The following POU2F1 variants were observed in gnomAD, a reference collection of about 807,000 sequenced individuals.
POU2F1 encodes the protein POU class 2 homeobox 1, also known as POU domain, class 2, transcription factor 1.
In POU2F1, 16 loss-of-function variants were observed where a neutral mutation model predicts 84.9. The observed-to-expected ratio is 0.19, with a 90% CI of 0.13 to 0.29. The LOEUF is 0.29. POU2F1 is among the 10% of genes least tolerant of loss of function. The pLI is 1.00. For synonymous variants in POU2F1, 368 were observed against 368.3 expected, an observed-to-expected ratio of 1.00 and a Z score of 0.01; for missense variants, 738 against 942.6, an observed-to-expected ratio of 0.78 and a Z score of 2.84.
chr1:167,339,910 G>A (rs1657718871), intron 2 of POU2F1, among the ~76,000 whole-genome samples: 1 of 152,152 alleles, frequency 6.6e-6, no homozygotes, highest in African/African-American at 2.4e-5. Context: ...TATTTACTGG[G>A]TGATTTAAAC....
intron 1 of POU2F1, among the ~76,000 whole-genome samples, chr1:167,296,144 C>T (rs1654276406): frequency 1.3e-5 from 2 of 152,000 alleles, no homozygotes; most frequent in East Asian, 1.9e-4. Flanking sequence ...GGAGTTCATC[C>T]ATTGAGCCTT....
intron 1 of POU2F1, among the ~76,000 whole-genome samples, chr1:167,264,177 TAGTG>T (rs1651776488): frequency 6.6e-6 from 1 of 152,120 alleles, no homozygotes. Flanking sequence ...AGCTAATTTA[TAGTG>T]GTATGTCAGG....
In POU2F1 at chr1:167,376,153, A is replaced by G; in HGVS notation, c.716A>G (p.Gln239Arg). The G allele has an allele frequency of 6.2e-7, 1 of 1,614,202 alleles. No homozygotes were observed. The highest frequency in any genetic ancestry group is 8.5e-7 in the Non-Finnish European group (1 of 1,180,024). Residue 239 changes from glutamine to arginine, a missense_variant and splice_region_variant, in exon 7 of 16, where the codon CAG becomes CGG. Physicochemically the swap from Gln to Arg is conservative, Grantham distance 43 (BLOSUM62 1). This residue lies in a region of POU2F1 where 163 missense variants were observed against 214.4 expected (regional missense o/e 0.76). Transcript: ENST00000367866. ...FIISQTPQGQ[Q>R]GLLQAQNLLT... is the part of the protein sequence containing the mutation. Reference sequence around the variant, plus strand: ...ATCTCACAGACGCCCCAGGGCCAGCAGGGTGAGCTCCTCCTTAGAGCTTAT... The same window carrying G: ...ATCTCACAGACGCCCCAGGGCCAGCGGGGTGAGCTCCTCCTTAGAGCTTAT...
rs530200559 is a variant in POU2F1, at chr1:167,426,665, A to G, written c.*10855A>G. On this transcript the variant is annotated 3_prime_UTR_variant, in exon 16 of 16. Transcript: ENST00000367866. ...GGTGTTTGTCCACTGTTGTCAAAGG[A>G]GGGGCACAAGGGGAATTGGCCCCCG... 5 of 152,226 alleles carry G rather than the reference A, an allele frequency of 3.3e-5. No homozygotes were observed. The highest frequency in any genetic ancestry group is 1.2e-4 in the African/African-American group (5 of 41,524). 9.4% of individuals were successfully genotyped at this position (152,226 alleles called of 1,614,324 possible).
intron 2 of POU2F1, among the ~76,000 whole-genome samples, chr1:167,336,038 A>G (rs1657421061): frequency 6.6e-6 from 1 of 152,250 alleles, no homozygotes; most frequent in East Asian, 1.9e-4. Context: ...ATTAAAAGAT[A>G]TGTAATGAAT....
intron 1 of POU2F1, among the ~76,000 whole-genome samples, chr1:167,302,756 A>G (rs1387810736): frequency 6.6e-6 from 1 of 152,222 alleles, no homozygotes; most frequent in African/African-American, 2.4e-5. Flanking sequence ...TCAATCAGTT[A>G]CACTGACTTA....
chr1:167,277,005 A>G (rs535357742), intron 1 of POU2F1, among the ~76,000 whole-genome samples: 16 of 152,316 alleles, frequency 1.1e-4, no homozygotes, highest in African/African-American at 3.9e-4. Context: ...GGAATAGTTC[A>G]CTATTCTGGG....
chr1:167,375,865 T>G (rs1394535154), intron 6 of POU2F1, among the ~76,000 whole-genome samples, 164 bp from the exon 7 acceptor site: 7 of 152,236 alleles, frequency 4.6e-5, no homozygotes, highest in African/African-American at 1.7e-4. Context: ...CTTCACGTGC[T>G]TTGTCAAGCA....
chr1:167,263,608 T>C (rs1033094930), intron 1 of POU2F1, among the ~76,000 whole-genome samples: 1 of 152,162 alleles, frequency 6.6e-6, no homozygotes, highest in Admixed American at 6.5e-5. Context: ...CAGATAGATA[T>C]AAACTTCCAA....
intron 1 of POU2F1, among the ~76,000 whole-genome samples, chr1:167,255,333 G>A (rs535927513): frequency 1.3e-5 from 2 of 152,132 alleles, no homozygotes; most frequent in Admixed American, 6.5e-5. Context: ...TTTAGAGTAG[G>A]TGGAACCCAT....
chr1:167,329,027 G>T, intron 1 of POU2F1: 1 of 1,128,616 alleles, frequency 8.9e-7, no homozygotes, highest in Non-Finnish European at 1.1e-6. Context: ...GTCAGTCCTA[G>T]CTGGTAGGAG....
At position 167,297,238 on chromosome 1, in the gene POU2F1, A is replaced by G. The variant is rs189576480; in HGVS notation, c.62-35232A>G. 2.5e-3 allele frequency among the ~76,000 whole-genome samples: 380 copies of G among 152,356 alleles called. 3 individuals are homozygous for G. Among genetic ancestry groups the G allele is most frequent in the African/African-American group, 8.8e-3 (364 of 41,584 alleles). On this transcript the variant is annotated intron_variant, in intron 1 of 15. Coordinates refer to ENST00000367866, the MANE Select transcript of POU2F1 (RefSeq NM_002697.4). The stretch of plus-strand genomic sequence containing the variant: ...CTGGTAACTCTAACTTGTGAACACC[A>G]AATTAATAACTCTTAATAATTTAAC...
In POU2F1 at chr1:167,394,938, C is replaced by G. The variant is rs745761202; in HGVS notation, c.988-1348C>G. ...GATGGATTTAGGGGTAGGGGGGAAT[C>G]AAAAGACTGGGATAATCCCAGTTCA... On this transcript the variant is annotated intron_variant, in intron 9 of 15. Coordinates refer to ENST00000367866, the MANE Select transcript of POU2F1 (RefSeq NM_002697.4). Among the ~76,000 whole-genome samples, 39 of 152,192 alleles carry G rather than the reference C, an allele frequency of 2.6e-4. 1 individual carries two copies. The Middle Eastern group carries it at 0.01, about 40-fold the overall frequency.
chr1:167,351,519 CA>C (rs34170498), intron 2 of POU2F1, among the ~76,000 whole-genome samples: 10,574 of 46,282 alleles, frequency 0.23, 88 homozygotes, highest in Non-Finnish European at 0.26. Flanking sequence ...AGCACCATCT[CA>C]AAAAAAAAAA....
Position 167,374,209 on chromosome 1 carries a change from G to C in POU2F1, c.504G>C (p.Gln168His), listed in dbSNP as rs376548311. The part of the protein sequence containing the change: ...AAVQQHSASQ[Q>H]HSAAGATISA... ...TGCAGCAGCACTCCGCCAGCCAGCA[G>C]CACAGTGCTGCTGGAGCCACCATCT... Residue 168 changes from glutamine to histidine, a missense_variant, in exon 6 of 16, where the codon CAG becomes CAC. By Grantham distance (24) the Gln-to-His change is conservative. Around this residue, in one of 4 missense-constraint regions of POU2F1, gnomAD observed 163 missense variants for 214.4 expected, o/e 0.76. Coordinates refer to ENST00000367866, the MANE Select transcript of POU2F1 (RefSeq NM_002697.4). The C allele has an allele frequency of 1.2e-6, 2 of 1,613,882 alleles. No homozygotes were observed. Among genetic ancestry groups the C allele is most frequent in the Non-Finnish European group, 1.7e-6 (2 of 1,179,932 alleles).
intron 2 of POU2F1, among the ~76,000 whole-genome samples, chr1:167,353,904 C>T (rs140831329): frequency 3.3e-5 from 5 of 152,142 alleles, no homozygotes; most frequent in Admixed American, 2.6e-4. Context: ...ACCACTATCC[C>T]GAAGTTAGCG....
chr1:167,340,147 C>G (rs1341186437), intron 2 of POU2F1, among the ~76,000 whole-genome samples: 4 of 150,524 alleles, frequency 2.7e-5, no homozygotes, highest in African/African-American at 9.8e-5. Flanking sequence ...TGGCACGATC[C>G]TGGCTCACTG....
intron 1 of POU2F1, among the ~76,000 whole-genome samples, chr1:167,324,571 G>C (rs1324090776): frequency 6.6e-6 from 1 of 152,118 alleles, no homozygotes; most frequent in African/African-American, 2.4e-5. Flanking sequence ...ACCAACTACT[G>C]ATCTCAGTCT....
chr1:167,352,972 C>G (rs2101792957), intron 2 of POU2F1, among the ~76,000 whole-genome samples: 1 of 152,300 alleles, frequency 6.6e-6, no homozygotes, highest in South Asian at 2.1e-4. Flanking sequence ...ATGCCTGAAT[C>G]CTGTGCAAAG....
Sources: gnomAD v4.1 joint callset for allele counts (sites outside exome capture counted in the v4.1 genomes callset) on GRCh38, gnomAD v4.1.1 for gene constraint, gnomAD v4.1.1 regional missense constraint, MANE v1.5 for transcripts, NCBI Gene and HGNC (gene_info 2026-07-23, HGNC 2026-07-21) for gene names.